Variants in CNTNAP2 observed in about 807,000 individuals in gnomAD.
The protein encoded by CNTNAP2 is contactin associated protein 2, also known as contactin-associated protein-like 2.
In CNTNAP2, 98 loss-of-function variants were observed where a neutral mutation model predicts 155.2. The ratio of observed to expected loss-of-function variants is 0.63; its 90% confidence interval spans 0.54 to 0.75. CNTNAP2 has a LOEUF of 0.75. Ranked by LOEUF, CNTNAP2 falls within the 30% of genes least tolerant of loss-of-function variation. The probability of loss-of-function intolerance (pLI) is 0.00; values close to 1 mark genes in which losing one functional copy is unlikely to be tolerated. For missense variants in CNTNAP2, 1,727 were observed against 1,688.1 expected, an observed-to-expected ratio of 1.02 and a Z score of -0.40; for synonymous variants, 651 against 631.2, an observed-to-expected ratio of 1.03 and a Z score of -0.47.
intron 1 of CNTNAP2, among the ~76,000 whole-genome samples, chr7:146,293,117 G>A (rs1800458259): frequency 1.3e-5 from 2 of 151,936 alleles, no homozygotes; most frequent in Non-Finnish European, 2.9e-5. Context: ...AATATATACA[G>A]CTATAATTTA....
intron 21 of CNTNAP2, among the ~76,000 whole-genome samples, chr7:148,293,071 AAAT>A (rs1367127837): frequency 1.9e-5 from 2 of 105,652 alleles, no homozygotes; most frequent in Non-Finnish European, 4.0e-5. Context: ...GATTGACAAA[AAAT>A]AAATAAAATA....
intron 1 of CNTNAP2, among the ~76,000 whole-genome samples, chr7:146,262,066 T>C (rs1250048384): frequency 6.6e-6 from 1 of 152,210 alleles, no homozygotes; most frequent in African/African-American, 2.4e-5. Flanking sequence ...AGAAGGGTGA[T>C]AATTTTCCAC....
chr7:146,165,907 C>T lies in CNTNAP2; in HGVS notation c.97+48934C>T, dbSNP rs866259769. Among the ~76,000 whole-genome samples the T allele has an allele frequency of 1.3e-5, 2 of 152,168 alleles. 1 individual carries two copies. The highest frequency in any genetic ancestry group is 6.8e-3 in the Middle Eastern group (2 of 294). ...TTAATGGTATATCAACCCTTCTTTT[C>T]CTTGCAGTATCATAGTAATCACTTG... On this transcript the variant is annotated intron_variant, in intron 1 of 23. Transcript: ENST00000361727.
intron 3 of CNTNAP2, among the ~76,000 whole-genome samples, chr7:146,871,418 G>C: frequency 6.6e-6 from 1 of 151,894 alleles, no homozygotes; most frequent in Non-Finnish European, 1.5e-5. Context: ...TAATCCCAGC[G>C]ACTCAGGAGG....
At chr7:146,739,904 A>G (rs1470451346) in intron 1 of CNTNAP2, among the ~76,000 whole-genome samples, 2 of 152,074 alleles carry the variant, frequency 1.3e-5, no homozygotes, top group East Asian at 3.9e-4. Flanking sequence ...ACTTATTTTT[A>G]CCTTTTTACA....
At chr7:147,551,468 AT>A (rs1799850031) in intron 11 of CNTNAP2, among the ~76,000 whole-genome samples, 1 of 152,196 alleles carries the variant, frequency 6.6e-6, no homozygotes, top group South Asian at 2.1e-4. Flanking sequence ...CAATTTCATT[AT>A]TTGATTCTGA....
intron 14 of CNTNAP2, among the ~76,000 whole-genome samples, chr7:147,968,070 A>G (rs1334948128): frequency 2.0e-5 from 3 of 152,184 alleles, no homozygotes; most frequent in Non-Finnish European, 4.4e-5. Flanking sequence ...TATTTATTCA[A>G]TCATGAAACA....
At chr7:146,846,753 C>T (rs1441109141) in intron 3 of CNTNAP2, among the ~76,000 whole-genome samples, 1 of 151,780 alleles carries the variant, frequency 6.6e-6, no homozygotes, top group Non-Finnish European at 1.5e-5. Flanking sequence ...AAATAAGATG[C>T]TGTTGATAAT....
At chr7:148,264,024 A>C (rs1796622832) in intron 20 of CNTNAP2, among the ~76,000 whole-genome samples, 1 of 152,186 alleles carries the variant, frequency 6.6e-6, no homozygotes, top group South Asian at 2.1e-4. Flanking sequence ...CGCGACTTTA[A>C]AAGTTGCATT....
chr7:146,736,920 T>TAC (rs1373124773), intron 1 of CNTNAP2, among the ~76,000 whole-genome samples: 1 of 152,066 alleles, frequency 6.6e-6, no homozygotes, highest in Admixed American at 6.5e-5. Flanking sequence ...TTTTAAAATA[T>TAC]ACACACATAT....
intron 21 of CNTNAP2, among the ~76,000 whole-genome samples, chr7:148,315,114 G>A (rs1049198668): frequency 2.6e-5 from 4 of 152,152 alleles, no homozygotes; most frequent in East Asian, 1.9e-4. Flanking sequence ...ACCAGAGGTC[G>A]TAGGTGGATC....
intron 13 of CNTNAP2, among the ~76,000 whole-genome samples, chr7:147,728,475 G>A (rs573379763): frequency 3.9e-5 from 6 of 152,058 alleles, no homozygotes; most frequent in East Asian, 3.9e-4. Flanking sequence ...TCCATTTAGC[G>A]CCCAGAAATA....
At chr7:147,548,811 G>A (rs1441638072) in intron 11 of CNTNAP2, among the ~76,000 whole-genome samples, 3 of 152,138 alleles carry the variant, frequency 2.0e-5, no homozygotes, top group Non-Finnish European at 4.4e-5. Flanking sequence ...TCCAGTTTCA[G>A]TTTTCTGCAT....
intron 3 of CNTNAP2, among the ~76,000 whole-genome samples, chr7:146,884,688 A>G (rs1795622781): frequency 6.6e-6 from 1 of 152,170 alleles, no homozygotes; most frequent in Non-Finnish European, 1.5e-5. Context: ...AGAGTGCAAC[A>G]GAAGACTTCG....
chr7:147,477,638 G>A (rs1464041815), intron 10 of CNTNAP2, among the ~76,000 whole-genome samples: 2 of 152,128 alleles, frequency 1.3e-5, no homozygotes, highest in African/African-American at 4.8e-5. Flanking sequence ...AAATGCCAAA[G>A]CTAGTTAAAA....
chr7:147,730,342 A>C (rs1796717258), intron 13 of CNTNAP2, among the ~76,000 whole-genome samples: 1 of 152,040 alleles, frequency 6.6e-6, no homozygotes, highest in African/African-American at 2.4e-5. Context: ...TTTTAAGCCA[A>C]CCCTATTGGC....
intron 3 of CNTNAP2, among the ~76,000 whole-genome samples, chr7:146,971,157 T>G (rs889185476): frequency 2.6e-5 from 4 of 152,024 alleles, no homozygotes; most frequent in African/African-American, 9.6e-5. Context: ...TGTATACATA[T>G]GTAACTAACC....
chr7:146,507,968 A>G (rs1389591144), intron 1 of CNTNAP2, among the ~76,000 whole-genome samples: 1 of 152,192 alleles, frequency 6.6e-6, no homozygotes, highest in Non-Finnish European at 1.5e-5. Flanking sequence ...ACACAGTGGT[A>G]CTGTCCCAAT....
At chr7:146,987,870 A>G (rs118019485) in intron 3 of CNTNAP2, among the ~76,000 whole-genome samples, 3,176 of 152,228 alleles carry the variant, frequency 0.021, 53 homozygotes, top group Middle Eastern at 0.041. Flanking sequence ...TAACTATTTT[A>G]TAATCATCCT....
Sources: allele counts gnomAD v4.1 joint callset (sites outside exome capture counted in the v4.1 genomes callset), GRCh38; gene constraint gnomAD v4.1.1; transcripts MANE v1.5; gene names NCBI Gene and HGNC (gene_info 2026-07-23, HGNC 2026-07-21).